The following S100Z variants were observed in gnomAD, a reference collection of about 807,000 sequenced individuals.
The protein encoded by S100Z is protein S100-Z.
A neutral mutation model predicts 8.5 loss-of-function variants in S100Z; 11 were observed. That is an observed-to-expected ratio of 1.30 (90% CI 0.82 to 2.15). The LOEUF (loss-of-function observed/expected upper bound fraction) is 2.15. Among genes scored for constraint, S100Z ranks in the 30% most tolerant of loss-of-function variants. S100Z has a pLI of 0.00. For missense variants in S100Z, 126 were observed against 117.9 expected, an observed-to-expected ratio of 1.07 and a Z score of -0.32; for synonymous variants, 34 against 43.8, an observed-to-expected ratio of 0.78 and a Z score of 0.89.
At chr5:76,863,700 A>G (rs6886839) in intron 1 of S100Z, among the ~76,000 whole-genome samples, 2,901 of 151,028 alleles carry the variant, frequency 0.019, 69 homozygotes, top group African/African-American at 0.059. Context: ...CACCACACCC[A>G]GCTAATTTTT....
the S100Z span, among the ~76,000 whole-genome samples, chr5:76,945,677 C>A: frequency 6.6e-6 from 1 of 152,320 alleles, no homozygotes; most frequent in Admixed American, 6.5e-5. Flanking sequence ...ACACAGATTC[C>A]TTTGCTCACA....
At chr5:76,902,014 TG>T (rs1744246184) in intron 4 of S100Z, among the ~76,000 whole-genome samples, 1 of 152,088 alleles carries the variant, frequency 6.6e-6, no homozygotes, top group Admixed American at 6.6e-5. Flanking sequence ...TCTTGGAGCC[TG>T]GGTCTGGAAT....
intron 2 of S100Z, among the ~76,000 whole-genome samples, chr5:76,874,948 G>A (rs1428726808): frequency 6.6e-6 from 1 of 151,948 alleles, no homozygotes; most frequent in Admixed American, 6.6e-5. Context: ...GCAGTGGCGC[G>A]ATCTCGGCTC....
At chr5:76,945,909 C>A in the S100Z span, among the ~76,000 whole-genome samples, 1 of 152,280 alleles carries the variant, frequency 6.6e-6, no homozygotes, top group Admixed American at 6.5e-5. Flanking sequence ...TCCCACCCGA[C>A]GAGAAATACC....
chr5:76,928,958 T>A, the S100Z span, among the ~76,000 whole-genome samples: 1 of 152,220 alleles, frequency 6.6e-6, no homozygotes, highest in Non-Finnish European at 1.5e-5. Flanking sequence ...CCTAGGCTGG[T>A]CTCGAACTCC....
intron 4 of S100Z, among the ~76,000 whole-genome samples, chr5:76,882,442 T>A (rs1430517788): frequency 2.6e-5 from 4 of 152,102 alleles, no homozygotes; most frequent in African/African-American, 9.7e-5. Flanking sequence ...CTAGGGCTGT[T>A]TTTAAGGAAC....
At chr5:76,907,797 A>G (rs1185867523) in intron 4 of S100Z, among the ~76,000 whole-genome samples, 2 of 152,204 alleles carry the variant, frequency 1.3e-5, no homozygotes, top group Non-Finnish European at 2.9e-5. Flanking sequence ...CATTGCAGAA[A>G]AAAATTCTAA....
At chr5:76,901,208 G>A (rs1200557540) in intron 4 of S100Z, among the ~76,000 whole-genome samples, 1 of 152,160 alleles carries the variant, frequency 6.6e-6, no homozygotes, top group Non-Finnish European at 1.5e-5. Flanking sequence ...CTCATCTAAT[G>A]CCTGCTTTAA....
chr5:76,879,955 G>A (rs1743336296), intron 4 of S100Z, among the ~76,000 whole-genome samples: 1 of 152,176 alleles, frequency 6.6e-6, no homozygotes, highest in South Asian at 2.1e-4. Context: ...TGAACAACAT[G>A]GCTGTTTATT....
intron 1 of S100Z, among the ~76,000 whole-genome samples, chr5:76,863,424 C>T (rs1233296715): frequency 1.3e-5 from 2 of 152,134 alleles, no homozygotes; most frequent in South Asian, 4.1e-4. Flanking sequence ...AAAAGGAGGC[C>T]CATTTATATC....
chr5:76,910,024 AT>A (rs1358303006), intron 4 of S100Z, among the ~76,000 whole-genome samples: 1 of 152,212 alleles, frequency 6.6e-6, no homozygotes, highest in Non-Finnish European at 1.5e-5. Flanking sequence ...CCCAGTATGG[AT>A]CCCCACTGGG....
the S100Z span, among the ~76,000 whole-genome samples, chr5:76,932,644 G>A: frequency 8.2e-3 from 1,249 of 152,270 alleles, 13 homozygotes; most frequent in African/African-American, 0.027. Flanking sequence ...GTGATCCACC[G>A]TGCCTGGCTG....
At chr5:76,898,500 T>C (rs1744118001) in intron 4 of S100Z, among the ~76,000 whole-genome samples, 1 of 152,058 alleles carries the variant, frequency 6.6e-6, no homozygotes, top group Admixed American at 6.6e-5. Flanking sequence ...TTTTTGAGGG[T>C]TTTTATCATA....
chr5:76,931,144 G>T, the S100Z span, among the ~76,000 whole-genome samples: 22,314 of 150,428 alleles, frequency 0.15, 1,764 homozygotes, highest in East Asian at 0.18. Flanking sequence ...TCACTCGGTC[G>T]TCGAGGGTTG....
intron 4 of S100Z, among the ~76,000 whole-genome samples, chr5:76,880,409 G>T (rs914001919): frequency 7.9e-5 from 12 of 152,248 alleles, no homozygotes; most frequent in East Asian, 5.8e-4. Context: ...GTTTTTGGGG[G>T]TGGTATGGAG....
chr5:76,931,546 G>A, the S100Z span, among the ~76,000 whole-genome samples: 10 of 152,166 alleles, frequency 6.6e-5, no homozygotes, highest in Non-Finnish European at 8.8e-5. Flanking sequence ...GCTCCAGCCT[G>A]TGAATTAGTG....
At chr5:76,937,850 T>G in the S100Z span, among the ~76,000 whole-genome samples, 2 of 152,004 alleles carry the variant, frequency 1.3e-5, no homozygotes, top group African/African-American at 4.8e-5. Flanking sequence ...TCTGCTGCTC[T>G]TTCATTCCCT....
chr5:76,873,607 T>C (rs746775822), intron 2 of S100Z, among the ~76,000 whole-genome samples: 5 of 152,110 alleles, frequency 3.3e-5, no homozygotes, highest in African/African-American at 9.7e-5. Flanking sequence ...CTGAATATGT[T>C]TGAAAATTTT....
At chr5:76,933,203 G>A in the S100Z span, among the ~76,000 whole-genome samples, 2 of 152,188 alleles carry the variant, frequency 1.3e-5, no homozygotes, top group African/African-American at 2.4e-5. Flanking sequence ...GAAGCCAGGC[G>A]GAGTGCCCGG....
Sources: gnomAD v4.1 joint callset for allele counts (sites outside exome capture counted in the v4.1 genomes callset) on GRCh38, gnomAD v4.1.1 for gene constraint, MANE v1.5 for transcripts, NCBI Gene and HGNC (gene_info 2026-07-23, HGNC 2026-07-21) for gene names.